The following KAT6B variants were observed in gnomAD, a reference collection of about 807,000 sequenced individuals.
KAT6B encodes the protein lysine acetyltransferase 6B, also known as histone acetyltransferase KAT6B.
In KAT6B, 10 loss-of-function variants were observed where a neutral mutation model predicts 187.5. The ratio of observed to expected loss-of-function variants is 0.05; its 90% CI spans 0.03 to 0.09. The LOEUF is 0.09. KAT6B is among the 10% of genes least tolerant of loss of function. KAT6B has a pLI of 1.00. For missense variants in KAT6B, 1,952 were observed against 2,558.9 expected (o/e 0.76, Z 5.12); for synonymous variants, 861 against 926.8 (o/e 0.93, Z 1.29).
chr10:74,824,968 G>A (rs1161763377), upstream of KAT6B, among the ~76,000 whole-genome samples: 1 of 152,028 alleles, frequency 6.6e-6, no homozygotes, highest in Non-Finnish European at 1.5e-5. Context: ...CTCCTCGCAG[G>A]CAGGGAGAGA....
intron 3 of KAT6B, among the ~76,000 whole-genome samples, chr10:74,906,342 G>A (rs1378853071): frequency 6.6e-6 from 1 of 152,168 alleles, no homozygotes; most frequent in African/African-American, 2.4e-5. Context: ...AAAGGTTGTG[G>A]TGAGCCAAGA....
chr10:74,993,407 C>T (rs1843231654), intron 13 of KAT6B, among the ~76,000 whole-genome samples: 2 of 152,214 alleles, frequency 1.3e-5, no homozygotes, highest in African/African-American at 4.8e-5. Context: ...CTTTGTTTCT[C>T]TTCTCTCTCA....
intron 7 of KAT6B, among the ~76,000 whole-genome samples, chr10:74,973,721 A>G (rs986414991): frequency 2.6e-5 from 4 of 152,196 alleles, no homozygotes; most frequent in African/African-American, 9.7e-5. Context: ...ACCAGTAGAC[A>G]TTTTCAATAG....
At chr10:74,888,639 A>C (rs1345083751) in intron 3 of KAT6B, among the ~76,000 whole-genome samples, 1 of 152,258 alleles carries the variant, frequency 6.6e-6, no homozygotes, top group Non-Finnish European at 1.5e-5. Context: ...TAAATTGTTC[A>C]GACCTTTTTG....
At position 75,030,703 on chromosome 10, in the gene KAT6B, C is replaced by T. The variant is rs147168060; in HGVS notation, c.5879C>T (p.Thr1960Met). The change falls in exon 18 of 18, where the codon ACG becomes ATG. Residue 1960 changes from threonine to methionine, a missense_variant. By Grantham distance (81) the Thr-to-Met change is moderately conservative. This residue lies in a region of KAT6B where 358 missense variants were observed against 436.3 expected (regional missense o/e 0.82). Coordinates refer to ENST00000287239, the MANE Select transcript of KAT6B (RefSeq NM_012330.4). This position sits in a 1 kb window ranked among gnomAD's most constrained non-coding sequence, Gnocchi z 4.8. ...ATGCAGGGTCCTGCACGGACTTTAA[C>T]GATGCAAAGAGGCATGAACATGAGT... ...VAMQGPARTLTMQRGMNMSVN... is the reference protein window; with the variant it reads ...VAMQGPARTLMMQRGMNMSVN... 142 of 1,614,076 alleles carry T rather than the reference C, an allele frequency of 8.8e-5. No individual in the cohort carries two copies. Among genetic ancestry groups the T allele is most frequent in the Non-Finnish European group, 1.2e-4 (136 of 1,180,052 alleles).
At chr10:75,001,991 CT>C (rs1178929884) in intron 13 of KAT6B, among the ~76,000 whole-genome samples, 78 of 152,142 alleles carry the variant, frequency 5.1e-4, no homozygotes, top group African/African-American at 1.8e-3. Flanking sequence ...AAACTGTGCT[CT>C]CCAGCAAGGG....
At chr10:74,862,661 A>G (rs1843262834) in intron 3 of KAT6B, among the ~76,000 whole-genome samples, 1 of 152,206 alleles carries the variant, frequency 6.6e-6, no homozygotes, top group Non-Finnish European at 1.5e-5. Flanking sequence ...GAGATTTTAG[A>G]GATCGTTCTG....
Position 75,031,693 on chromosome 10 carries a change from T to C in KAT6B, c.*647T>C. 4.7e-6 allele frequency: 1 copy of C among 210,698 alleles called. No individual in the cohort carries two copies. Among genetic ancestry groups the C allele is most frequent in the Non-Finnish European group, 9.6e-6 (1 of 103,708 alleles). The allele number at this position is 210,698 out of a possible 1,614,324, so 13.1% of individuals were successfully genotyped here. ...ATTCCCATTTGGTTAGTCAAAAGGG[T>C]TTTATTGCTAAATGTTTGGTGTAAA... On this transcript the variant is annotated 3_prime_UTR_variant, in exon 18 of 18. Coordinates refer to ENST00000287239, the MANE Select transcript of KAT6B (RefSeq NM_012330.4).
chr10:74,838,253 C>G (rs1000079833), intron 1 of KAT6B, among the ~76,000 whole-genome samples: 4 of 152,150 alleles, frequency 2.6e-5, no homozygotes, highest in African/African-American at 9.7e-5. Context: ...GGACAAACAG[C>G]GAATGCTGCC....
Position 74,976,002 on chromosome 10 carries a change from A to G in KAT6B, c.1665A>G (p.Gly555=). The change falls in exon 8 of 18, where the codon GGA becomes GGG. Residue 555 remains glycine (G), a synonymous_variant. Transcript: ENST00000287239. Reference sequence around the variant, plus strand: ...TTTCTCATATCTATACCACTCAGGGACAGTCTCGCAAAAAGGGACACCCGA... The same window carrying G: ...TTTCTCATATCTATACCACTCAGGGGCAGTCTCGCAAAAAGGGACACCCGA... ...DGLSHIYTTQ[G]QSRKKGHPSY... is the part of the protein sequence containing the mutation. 1 of 1,614,144 alleles carries G rather than the reference A, an allele frequency of 6.2e-7. No homozygotes were observed. The highest frequency in any genetic ancestry group is 8.5e-7 in the Non-Finnish European group (1 of 1,180,024).
chr10:74,973,181 C>T (rs895201159), intron 7 of KAT6B, among the ~76,000 whole-genome samples: 1 of 152,186 alleles, frequency 6.6e-6, no homozygotes. Flanking sequence ...TATTTGACAA[C>T]TGCACTAGTG....
intron 4 of KAT6B, among the ~76,000 whole-genome samples, chr10:74,964,837 A>C (rs1346647403): frequency 1.3e-5 from 2 of 152,180 alleles, no homozygotes. Flanking sequence ...CCTCTGTCCT[A>C]TTCTTTCACA....
At chr10:74,913,759 G>T (rs950946293) in intron 3 of KAT6B, among the ~76,000 whole-genome samples, 5 of 152,344 alleles carry the variant, frequency 3.3e-5, no homozygotes, top group African/African-American at 1.2e-4. Context: ...TGGAGGCCAG[G>T]AGTAAACCGC....
intron 3 of KAT6B, among the ~76,000 whole-genome samples, chr10:74,945,752 C>T (rs906702018): frequency 1.3e-5 from 2 of 152,150 alleles, no homozygotes; most frequent in Admixed American, 1.3e-4. Context: ...GCCCGCCGGC[C>T]TGCCCAAACT....
rs754457692 is a variant in KAT6B, at chr10:74,843,484, C to T, written c.621+6C>T. ...TACCCCATGAGAAAGACCAGGTAAG[C>T]GAAGGAGTAATGTTCGTGCATTCTC... On this transcript the variant is annotated splice_donor_region_variant and intron_variant, in intron 3 of 17. Coordinates refer to ENST00000287239, the MANE Select transcript of KAT6B (RefSeq NM_012330.4). The T allele has an allele frequency of 5.6e-6, 9 of 1,612,986 alleles. 1 individual carries two copies. In the East Asian group the frequency reaches 8.9e-5, roughly 16 times the overall value.
chr10:74,982,122 G>A (rs1842551848), intron 11 of KAT6B, 194 bp downstream of exon 11: 2 of 567,790 alleles, frequency 3.5e-6, no homozygotes, highest in African/African-American at 1.9e-5. Flanking sequence ...GACTGATGAA[G>A]AATCCCTACT....
At chr10:74,906,794 C>T (rs900615448) in intron 3 of KAT6B, among the ~76,000 whole-genome samples, 10 of 152,254 alleles carry the variant, frequency 6.6e-5, no homozygotes, top group South Asian at 2.1e-4. Context: ...GACCCCTTTC[C>T]GGCTAAATTT....
intron 3 of KAT6B, among the ~76,000 whole-genome samples, chr10:74,937,354 A>G (rs1849343309): frequency 6.6e-6 from 1 of 152,232 alleles, no homozygotes. Context: ...AAACAACATC[A>G]TCATCATAAT....
At chr10:74,903,587 G>A (rs1846549657) in intron 3 of KAT6B, among the ~76,000 whole-genome samples, 2 of 152,288 alleles carry the variant, frequency 1.3e-5, no homozygotes, top group East Asian at 1.9e-4. Context: ...CAACCTAAAC[G>A]AGCTTGGAGG....
Sources: gnomAD v4.1 joint callset for allele counts (sites outside exome capture counted in the v4.1 genomes callset) on GRCh38, gnomAD v4.1.1 for gene constraint, gnomAD v4.1.1 regional missense constraint, Gnocchi (gnomAD v3.1) non-coding constraint, MANE v1.5 for transcripts, NCBI Gene and HGNC (gene_info 2026-07-23, HGNC 2026-07-21) for gene names.